The following SLC39A10 variants were observed in gnomAD, a reference collection of about 807,000 sequenced individuals.
SLC39A10 encodes zinc transporter ZIP10.
Under a neutral mutation model 65.1 loss-of-function variants are expected in SLC39A10, and 13 were observed. The observed-to-expected ratio is 0.20, with a 90% confidence interval of 0.13 to 0.32. The LOEUF (loss-of-function observed/expected upper bound fraction) is 0.32. Among genes scored for constraint, SLC39A10 ranks in the 10% least tolerant of loss-of-function variants. The pLI, the probability that SLC39A10 is intolerant of heterozygous loss-of-function variation, is 1.00. For missense variants in SLC39A10, 831 were observed against 1,018.4 expected (o/e 0.82, Z 2.50); for synonymous variants, 321 against 342.2 (o/e 0.94, Z 0.68).
rs1689865243 is a variant in SLC39A10 at position 195,671,716 on chromosome 2, ACT to A, written c.-11-8313_-11-8312del. The stretch of plus-strand genomic sequence containing the variant: ...TAACATCTACTGGAATGCTTGGGAA[ACT>A]CTGTAAGTTGGTGAGACCCTGGCCT... On this transcript the variant is annotated intron_variant, in intron 1 of 9. Coordinates refer to ENST00000359634, the MANE Select transcript of SLC39A10 (RefSeq NM_020342.3). 2.6e-5 allele frequency: 4 copies of A among 151,972 alleles called. No homozygotes were observed. The South Asian group carries it at 6.2e-4, about 24-fold the overall frequency. 9.4% of individuals were successfully genotyped at this position (151,972 alleles called of 1,614,324 possible).
intron 1 of SLC39A10, among the ~76,000 whole-genome samples, chr2:195,660,716 T>C (rs1036298504): frequency 2.0e-5 from 3 of 152,134 alleles, no homozygotes; most frequent in Non-Finnish European, 4.4e-5. Flanking sequence ...GTTACCTTGC[T>C]CCAAAAAAGA....
rs116028623 is a variant in SLC39A10 at position 195,699,812 on chromosome 2, C to T, written c.1217-6804C>T. ...TAGTTGGTTTATTGTATTAAGTCCT[C>T]TATTTCCTTGCCTGTCTGCTGGATA... On this transcript the variant is annotated intron_variant, in intron 3 of 9. Coordinates refer to ENST00000359634, the MANE Select transcript of SLC39A10 (RefSeq NM_020342.3). 9.1e-3 allele frequency among the ~76,000 whole-genome samples: 1,378 copies of T among 152,152 alleles called. 15 individuals carry two copies. The highest frequency in any genetic ancestry group is 0.031 in the African/African-American group (1,280 of 41,542).
chr2:195,666,514 A>G (rs1435192741), intron 1 of SLC39A10, among the ~76,000 whole-genome samples: 1 of 152,198 alleles, frequency 6.6e-6, no homozygotes, highest in African/African-American at 2.4e-5. Context: ...GCTGGAGTAT[A>G]GTGGTACGAT....
intron 2 of SLC39A10, among the ~76,000 whole-genome samples, chr2:195,635,788 A>C (rs1688687181): frequency 6.6e-6 from 1 of 151,680 alleles, no homozygotes; most frequent in African/African-American, 2.4e-5. Flanking sequence ...ATTTTCTTGA[A>C]AATTAAAAAT....
At chr2:195,677,241 C>T (rs1690124578) in intron 1 of SLC39A10, among the ~76,000 whole-genome samples, 1 of 152,180 alleles carries the variant, frequency 6.6e-6, no homozygotes, top group African/African-American at 2.4e-5. Context: ...AATTATTACC[C>T]TCTATCTCTC....
intron 2 of SLC39A10, among the ~76,000 whole-genome samples, chr2:195,646,349 T>A (rs1050943069): frequency 6.6e-6 from 1 of 152,202 alleles, no homozygotes; most frequent in East Asian, 1.9e-4. Context: ...CTTTATCCAC[T>A]GTCACTTCTC....
intron 2 of SLC39A10, among the ~76,000 whole-genome samples, chr2:195,614,917 G>A: frequency 6.6e-6 from 1 of 152,112 alleles, no homozygotes; most frequent in East Asian, 1.9e-4. Flanking sequence ...GGACATGGTG[G>A]TGTGTGCCTT....
intron 3 of SLC39A10, among the ~76,000 whole-genome samples, chr2:195,694,311 G>A (rs959677241): frequency 2.6e-5 from 4 of 151,884 alleles, no homozygotes; most frequent in Non-Finnish European, 4.4e-5. Context: ...TATCTGTTCC[G>A]TTCATTTGTT....
chr2:195,647,752 T>C (rs1252328653), intron 2 of SLC39A10, among the ~76,000 whole-genome samples: 1 of 152,006 alleles, frequency 6.6e-6, no homozygotes, highest in Non-Finnish European at 1.5e-5. Flanking sequence ...GGTCAGCCTC[T>C]CATTTGTTCA....
chr2:195,625,436 C>T (rs1013398063), intron 2 of SLC39A10, among the ~76,000 whole-genome samples: 2 of 151,558 alleles, frequency 1.3e-5, no homozygotes, highest in Non-Finnish European at 2.9e-5. Flanking sequence ...CCACCACGCC[C>T]GGCTAATTTT....
At chr2:195,733,823 G>GCCC (rs1409212156) in intron 9 of SLC39A10, among the ~76,000 whole-genome samples, 3 of 152,148 alleles carry the variant, frequency 2.0e-5, no homozygotes, top group African/African-American at 7.2e-5. Context: ...GAGCCACAAC[G>GCCC]CCCAGCCATA....
At chr2:195,705,423 A>G (rs760250064) in intron 3 of SLC39A10, among the ~76,000 whole-genome samples, 6 of 152,226 alleles carry the variant, frequency 3.9e-5, no homozygotes, top group South Asian at 4.1e-4. Flanking sequence ...AGTATTGGCT[A>G]TAGTGTTAAC....
At chr2:195,694,737 G>C (rs910578983) in intron 3 of SLC39A10, among the ~76,000 whole-genome samples, 31 of 152,186 alleles carry the variant, frequency 2.0e-4, no homozygotes, top group African/African-American at 7.5e-4. Flanking sequence ...CATCGAGCCA[G>C]GATGTGGCGC....
intron 7 of SLC39A10, chr2:195,717,337 C>T (rs1023801455): frequency 5.3e-6 from 1 of 187,610 alleles, no homozygotes; most frequent in Non-Finnish European, 1.1e-5. Context: ...AATTTCAATC[C>T]TAGGTTTAAT....
At chr2:195,668,535 T>C (rs762291111) in intron 1 of SLC39A10, among the ~76,000 whole-genome samples, 1 of 152,236 alleles carries the variant, frequency 6.6e-6, no homozygotes, top group Non-Finnish European at 1.5e-5. Flanking sequence ...TCCCCATCAT[T>C]ATTAGCATAT....
chr2:195,616,823 T>C (rs1688222018), intron 2 of SLC39A10, among the ~76,000 whole-genome samples: 2 of 152,080 alleles, frequency 1.3e-5, no homozygotes, highest in African/African-American at 4.8e-5. Context: ...CAGGATGGTC[T>C]CAATCTCCTG....
intron 5 of SLC39A10, among the ~76,000 whole-genome samples, chr2:195,711,219 C>T (rs1207545137): frequency 6.6e-6 from 1 of 152,160 alleles, no homozygotes; most frequent in Non-Finnish European, 1.5e-5. Flanking sequence ...TTAACCATCA[C>T]GTCAGTACTC....
chr2:195,663,301 C>T (rs1238791660), intron 1 of SLC39A10, among the ~76,000 whole-genome samples: 4 of 152,132 alleles, frequency 2.6e-5, no homozygotes, highest in Non-Finnish European at 5.9e-5. Context: ...GGTATATTAA[C>T]TCAGTGCACT....
In SLC39A10 at chr2:195,710,562, C is replaced by T. The variant is rs555213434; in HGVS notation, c.1575+1718C>T. 9.9e-5 allele frequency among the ~76,000 whole-genome samples: 15 copies of T among 152,216 alleles called. No individual in the cohort carries two copies. The South Asian group carries it at 2.3e-3, about 23-fold the overall frequency. On this transcript the variant is annotated intron_variant, in intron 5 of 9. Coordinates refer to ENST00000359634, the MANE Select transcript of SLC39A10 (RefSeq NM_020342.3). ...GGGAGTGATTCTGGTTTACATAAAA[C>T]TTATTTGTGTGACTATGACTCACTC... is the stretch of plus-strand genomic sequence containing the variant.
Sources: gnomAD v4.1 joint callset for allele counts (sites outside exome capture counted in the v4.1 genomes callset) on GRCh38, gnomAD v4.1.1 for gene constraint, MANE v1.5 for transcripts, NCBI Gene and HGNC (gene_info 2026-07-23, HGNC 2026-07-21) for gene names.